The following MET variants were observed in gnomAD, a reference collection of about 807,000 sequenced individuals.
The protein encoded by MET is MET proto-oncogene, receptor tyrosine kinase.
Under a neutral mutation model 133.1 loss-of-function variants are expected in MET, and 48 were observed. The ratio of observed to expected loss-of-function variants is 0.36; its 90% CI spans 0.29 to 0.46. MET has a LOEUF of 0.46. Among genes scored for constraint, MET ranks in the 20% least tolerant of loss-of-function variants. The pLI is 1.00. For synonymous variants in MET, 628 were observed against 616.5 expected (o/e 1.02, Z -0.28); for missense variants, 1,442 against 1,695.9 (o/e 0.85, Z 2.63).
chr7:116,699,619 G>A lies in MET; in HGVS notation c.535G>A (p.Ala179Thr), dbSNP rs753697730. Residue 179 changes from alanine (A) to threonine (T), a missense_variant, in exon 2 of 21, where the codon GCC becomes ACC. Around this residue, in one of 6 missense-constraint regions of MET, gnomAD observed 762 missense variants for 792.4 expected, o/e 0.96. Transcript: ENST00000397752. ...PSQCPDCVVS[A>T]LGAKVLSSVK... ...CCAGTGTCCTGACTGTGTGGTGAGC[G>A]CCCTGGGAGCCAAAGTCCTTTCATC... 12 of 1,613,938 alleles carry A rather than the reference G, an allele frequency of 7.4e-6. No homozygotes were observed. The highest frequency in any genetic ancestry group is 1.7e-4 in the Middle Eastern group (1 of 6,058).
intron 14 of MET, among the ~76,000 whole-genome samples, chr7:116,773,954 C>T (rs1794911338): frequency 6.6e-6 from 1 of 152,096 alleles, no homozygotes; most frequent in South Asian, 2.1e-4. Flanking sequence ...ATGAGGAACC[C>T]CCACATAACC....
chr7:116,755,006 A>AAGAAAGAAAGAAAG (rs1794113474), intron 5 of MET, among the ~76,000 whole-genome samples: 1 of 148,786 alleles, frequency 6.7e-6, no homozygotes. Flanking sequence ...GAAAGAAAGA[A>AAGAAAGAAAGAAAG]AGAAAGAAAG....
In MET at chr7:116,700,113, C is replaced by A. The variant is rs56340719; in HGVS notation, c.1029C>A (p.Phe343Leu). ...IGASLNDDIL[F>L]GVFAQSKPDS... ...CCAGCCTGAATGATGACATTCTTTT[C>A]GGGGTGTTCGCACAAAGCAAGCCAG... The change falls in exon 2 of 21, where the codon TTC (phenylalanine) becomes TTA (leucine). Residue 343 changes from phenylalanine (F) to leucine (L), a missense_variant. Transcript: ENST00000397752. 1 of 1,608,618 alleles carries A rather than the reference C, an allele frequency of 6.2e-7. No homozygotes were observed. Among genetic ancestry groups the A allele is most frequent in the Non-Finnish European group, 8.5e-7 (1 of 1,177,742 alleles).
At chr7:116,778,633 TA>T in intron 16 of MET, 142 bp from the exon 17 acceptor site, 2 of 894,604 alleles carry the variant, frequency 2.2e-6, no homozygotes, top group Non-Finnish European at 3.5e-6. Flanking sequence ...AGATGTGATG[TA>T]AAAAGAACAC....
At chr7:116,775,885 C>T (rs184354416) in intron 15 of MET, among the ~76,000 whole-genome samples, 104 of 152,266 alleles carry the variant, frequency 6.8e-4, no homozygotes, top group Non-Finnish European at 1.8e-4. Flanking sequence ...TAGCATTCTC[C>T]TGATCTAAAG....
intron 2 of MET, among the ~76,000 whole-genome samples, chr7:116,708,160 G>C (rs760008942): frequency 6.6e-6 from 1 of 152,108 alleles, no homozygotes. Flanking sequence ...AATACATCAT[G>C]ATAATTTATG....
At chr7:116,787,176 G>A (rs1445307071) in intron 19 of MET, among the ~76,000 whole-genome samples, 1 of 152,146 alleles carries the variant, frequency 6.6e-6, no homozygotes, top group Non-Finnish European at 1.5e-5. Flanking sequence ...TTCTGAAAGA[G>A]GTGAAAGAAG....
At chr7:116,754,949 A>AAGAAAGAAAGAG (rs1339542490) in intron 5 of MET, among the ~76,000 whole-genome samples, 6 of 129,288 alleles carry the variant, frequency 4.6e-5, no homozygotes, top group Non-Finnish European at 6.7e-5. Context: ...GAAAGAAAGA[A>AAGAAAGAAAGAG]AGAGAAAGAA....
At chr7:116,766,332 G>T (rs1562927440) in intron 11 of MET, among the ~76,000 whole-genome samples, 1 of 152,202 alleles carries the variant, frequency 6.6e-6, no homozygotes, top group Non-Finnish European at 1.5e-5. Flanking sequence ...ACAGGAAAAA[G>T]AAGCACAGGA....
intron 1 of MET, among the ~76,000 whole-genome samples, chr7:116,677,316 C>T (rs1035529833): frequency 6.6e-6 from 1 of 152,192 alleles, no homozygotes; most frequent in African/African-American, 2.4e-5. Context: ...GGATTTTCTT[C>T]CTCTTTTCTT....
chr7:116,700,624 AT>A (rs529061864), intron 2 of MET, among the ~76,000 whole-genome samples: 43 of 152,294 alleles, frequency 2.8e-4, no homozygotes, highest in African/African-American at 9.9e-4. Flanking sequence ...ATTTACACAG[AT>A]TTTTATCACA....
chr7:116,677,134 G>A (rs549266450), intron 1 of MET, among the ~76,000 whole-genome samples: 2 of 152,068 alleles, frequency 1.3e-5, no homozygotes, highest in Admixed American at 6.5e-5. Flanking sequence ...CTGTCACAGT[G>A]GGATTTGTTG....
chr7:116,764,753 C>CA (rs1278188090), intron 11 of MET, among the ~76,000 whole-genome samples: 1 of 151,962 alleles, frequency 6.6e-6, no homozygotes, highest in Non-Finnish European at 1.5e-5. Context: ...TAGAGACTGG[C>CA]AAAAAACACT....
intron 2 of MET, among the ~76,000 whole-genome samples, chr7:116,712,659 T>C (rs1002074309): frequency 2.6e-5 from 4 of 152,108 alleles, no homozygotes; most frequent in African/African-American, 7.2e-5. Flanking sequence ...GGAGAAAAAC[T>C]GGGGAGTTTT....
intron 2 of MET, among the ~76,000 whole-genome samples, chr7:116,705,203 T>A (rs543607954): frequency 4.9e-4 from 75 of 152,220 alleles, no homozygotes; most frequent in African/African-American, 1.7e-3. Flanking sequence ...TACATTTAAG[T>A]TGTAATGGAA....
At position 116,739,869 on chromosome 7, in the gene MET, T is replaced by G. The variant is rs1231341397; in HGVS notation, c.1393-81T>G. The G allele has an allele frequency of 8.8e-6, 14 of 1,593,986 alleles. No individual in the cohort carries two copies. In the Admixed American group the frequency reaches 1.8e-4, roughly 21 times the overall value. The stretch of plus-strand genomic sequence containing the variant: ...CCCACAAGCCCTGCTAATCTGTTAT[T>G]ACCATTATCATCTACATTTTCCACT... On this transcript the variant is annotated intron_variant, in intron 3 of 20. Coordinates refer to ENST00000397752, the MANE Select transcript of MET (RefSeq NM_000245.4).
chr7:116,744,965 A>G (rs1793610766), intron 5 of MET, among the ~76,000 whole-genome samples: 1 of 152,216 alleles, frequency 6.6e-6, no homozygotes, highest in Non-Finnish European at 1.5e-5. Flanking sequence ...AGGGTATTCA[A>G]TTAGGAAAAG....
rs1793383674 is a variant in MET, at chr7:116,740,040, A to C, written c.1483A>C (p.Thr495Pro). 1.9e-6 allele frequency: 3 copies of C among 1,614,144 alleles called. No individual in the cohort carries two copies. Among genetic ancestry groups the C allele is most frequent in the Admixed American group, 1.7e-5 (1 of 60,020 alleles). The stretch of plus-strand genomic sequence containing the variant: ...GTCTCCAGAAGTGATTGTGGAGCAT[A>C]CATTAAACCAAAATGGCTACACACT... ...PVSPEVIVEH[T>P]LNQNGYTLVI... Residue 495 changes from threonine (T) to proline (P), a missense_variant, in exon 4 of 21, where the codon ACA becomes CCA. By Grantham distance (38) the Thr-to-Pro change is conservative (BLOSUM62 -1). This residue lies in a region of MET where 762 missense variants were observed against 792.4 expected (regional missense o/e 0.96). Transcript: ENST00000397752.
At chr7:116,695,810 A>G in intron 1 of MET, 1 of 487,456 alleles carries the variant, frequency 2.1e-6, no homozygotes, top group Middle Eastern at 3.1e-4. Flanking sequence ...GTAAGCACTC[A>G]ATACATGTTC....
Sources: gnomAD v4.1 joint callset for allele counts (sites outside exome capture counted in the v4.1 genomes callset) on GRCh38, gnomAD v4.1.1 for gene constraint, gnomAD v4.1.1 regional missense constraint, MANE v1.5 for transcripts, NCBI Gene and HGNC (gene_info 2026-07-23, HGNC 2026-07-21) for gene names.